Variants in TTLL5 observed in about 807,000 individuals in gnomAD.
TTLL5 encodes the protein tubulin polyglutamylase TTLL5.
Under a neutral mutation model 168.4 loss-of-function variants are expected in TTLL5, and 132 were observed. The ratio of observed to expected loss-of-function variants is 0.78; its 90% CI spans 0.68 to 0.91. The LOEUF is 0.91. TTLL5 is among the 40% of genes least tolerant of loss of function. The pLI is 0.00. For synonymous variants in TTLL5, 546 were observed against 558.6 expected, an observed-to-expected ratio of 0.98 and a Z score of 0.32; for missense variants, 1,545 against 1,581.5, an observed-to-expected ratio of 0.98 and a Z score of 0.39.
intron 31 of TTLL5, among the ~76,000 whole-genome samples, chr14:75,951,413 T>C (rs900514692): frequency 2.6e-5 from 4 of 152,186 alleles, no homozygotes; most frequent in African/African-American, 9.7e-5. Context: ...AAATACAATC[T>C]AATTTTTATC....
chr14:75,685,508 A>G (rs891945788), intron 5 of TTLL5, among the ~76,000 whole-genome samples: 3 of 152,330 alleles, frequency 2.0e-5, no homozygotes, highest in African/African-American at 4.8e-5. Context: ...GCAAGAGGAT[A>G]TATAGTTTCC....
intron 30 of TTLL5, among the ~76,000 whole-genome samples, chr14:75,893,410 T>A (rs1246708374): frequency 6.6e-6 from 1 of 152,128 alleles, no homozygotes; most frequent in African/African-American, 2.4e-5. Context: ...GAACACAGAG[T>A]ACCAGCATTC....
At chr14:75,753,643 A>G (rs967618013) in intron 18 of TTLL5, among the ~76,000 whole-genome samples, 1 of 152,208 alleles carries the variant, frequency 6.6e-6, no homozygotes, top group Admixed American at 6.5e-5. Flanking sequence ...CTGCAATTTC[A>G]TGATCTACTA....
intron 29 of TTLL5, among the ~76,000 whole-genome samples, chr14:75,872,226 C>A (rs2031094551): frequency 6.6e-6 from 1 of 152,114 alleles, no homozygotes; most frequent in Non-Finnish European, 1.5e-5. Flanking sequence ...ACTTTCCTTT[C>A]CTTCTCAAGA....
At chr14:75,782,950 A>G (rs79788073) in intron 25 of TTLL5, among the ~76,000 whole-genome samples, 197 bp from the exon 26 acceptor site, 2,915 of 152,272 alleles carry the variant, frequency 0.019, 139 homozygotes, top group East Asian at 0.12. Context: ...GTAAATTCCT[A>G]TTTCTGTTGC....
At chr14:75,914,859 G>T (rs542276240) in intron 31 of TTLL5, among the ~76,000 whole-genome samples, 1 of 152,174 alleles carries the variant, frequency 6.6e-6, no homozygotes, top group East Asian at 1.9e-4. Context: ...TCCTGACCTC[G>T]TGATCCGCCC....
chr14:75,940,565 A>AT (rs1357978749), intron 31 of TTLL5, among the ~76,000 whole-genome samples: 8 of 152,238 alleles, frequency 5.3e-5, no homozygotes, highest in African/African-American at 1.9e-4. Context: ...TCCCAAGAAC[A>AT]TTGATTTTAG....
chr14:75,720,571 G>T, intron 11 of TTLL5, 25 bp from the exon 12 acceptor site: 1 of 1,561,422 alleles, frequency 6.4e-7, no homozygotes, highest in South Asian at 1.1e-5. Flanking sequence ...TATTGAGTCT[G>T]AAATTTAAAA....
At chr14:75,912,355 T>C (rs1309628374) in intron 31 of TTLL5, among the ~76,000 whole-genome samples, 1 of 152,212 alleles carries the variant, frequency 6.6e-6, no homozygotes, top group East Asian at 1.9e-4. Flanking sequence ...GTAGTATGAT[T>C]GTGTGATACA....
At chr14:75,737,360 T>G (rs908775617) in intron 15 of TTLL5, among the ~76,000 whole-genome samples, 1 of 152,210 alleles carries the variant, frequency 6.6e-6, no homozygotes, top group Non-Finnish European at 1.5e-5. Flanking sequence ...GGTGAGAAGT[T>G]GAAGCTGGAA....
chr14:75,753,514 A>G (rs772267095), intron 18 of TTLL5, among the ~76,000 whole-genome samples: 1 of 152,228 alleles, frequency 6.6e-6, no homozygotes, highest in Non-Finnish European at 1.5e-5. Flanking sequence ...ATTGCAGTAC[A>G]GTTCATTAAT....
chr14:75,733,976 T>C lies in TTLL5; in HGVS notation c.1125-13T>C. On this transcript the variant is annotated splice_polypyrimidine_tract_variant and intron_variant, in intron 13 of 31. Transcript: ENST00000298832. Reference sequence around the variant, plus strand: ...CACTTATCAATTGCTCTTTTCTTTCTCTGTTCTGTTAGTGATGCGCCTCTG... The same window carrying C: ...CACTTATCAATTGCTCTTTTCTTTCCCTGTTCTGTTAGTGATGCGCCTCTG... The C allele has an allele frequency of 2.5e-6, 4 of 1,613,818 alleles. No individual in the cohort carries two copies. In the South Asian group the frequency reaches 4.4e-5, roughly 18 times the overall value.
chr14:75,919,197 C>CAA (rs10655974), intron 31 of TTLL5, among the ~76,000 whole-genome samples: 4,249 of 56,034 alleles, frequency 0.076, 483 homozygotes, highest in South Asian at 0.17. Context: ...AAGACCGTCT[C>CAA]AAAAAAAAAA....
At chr14:75,726,859 T>C (rs1888217505) in intron 12 of TTLL5, among the ~76,000 whole-genome samples, 1 of 152,206 alleles carries the variant, frequency 6.6e-6, no homozygotes, top group Admixed American at 6.5e-5. Context: ...ATAGGATTAT[T>C]ATTATTTTTC....
At chr14:75,711,497 T>C (rs1887074362) in intron 9 of TTLL5, 2 of 152,052 alleles carry the variant, frequency 1.3e-5, no homozygotes, top group Non-Finnish European at 1.5e-5. Context: ...AGATTTTCAC[T>C]GAAACAGGAA....
chr14:75,744,022 G>C (rs1473562518), intron 15 of TTLL5, among the ~76,000 whole-genome samples: 2 of 152,140 alleles, frequency 1.3e-5, no homozygotes, highest in African/African-American at 4.8e-5. Flanking sequence ...GAGAATTTTT[G>C]AGAGAAACCA....
At chr14:75,709,054 G>T in intron 9 of TTLL5, 1 of 644,562 alleles carries the variant, frequency 1.6e-6, no homozygotes, top group Admixed American at 2.7e-5. Context: ...TGGGCTGTAT[G>T]CAGCCTGTGG....
chr14:75,930,877 A>G (rs991743752), intron 31 of TTLL5, among the ~76,000 whole-genome samples: 1 of 152,210 alleles, frequency 6.6e-6, no homozygotes, highest in Non-Finnish European at 1.5e-5. Flanking sequence ...AATATCATCC[A>G]TATATTTAGA....
At chr14:75,928,606 T>TA (rs900223827) in intron 31 of TTLL5, among the ~76,000 whole-genome samples, 13 of 151,270 alleles carry the variant, frequency 8.6e-5, no homozygotes, top group South Asian at 2.1e-4. Flanking sequence ...CTTATTACAC[T>TA]AAAAAAAAGA....
Sources: gnomAD v4.1 joint callset for allele counts (sites outside exome capture counted in the v4.1 genomes callset) on GRCh38, gnomAD v4.1.1 for gene constraint, MANE v1.5 for transcripts, NCBI Gene and HGNC (gene_info 2026-07-23, HGNC 2026-07-21) for gene names.